Variants in PSMD13 observed in about 807,000 individuals in gnomAD.
PSMD13 encodes 26S proteasome non-ATPase regulatory subunit 13.
In PSMD13, 8 loss-of-function variants were observed where a neutral mutation model predicts 57.4. The ratio of observed to expected loss-of-function variants is 0.14; its 90% CI spans 0.08 to 0.25. The LOEUF (loss-of-function observed/expected upper bound fraction) is 0.25. PSMD13 is among the 10% of genes least tolerant of loss of function. The pLI is 1.00. For synonymous variants in PSMD13, 193 were observed against 168.2 expected (o/e 1.15, Z -1.14); for missense variants, 400 against 461.5 (o/e 0.87, Z 1.22).
rs1859780162 is a variant in PSMD13 at position 252,327 on chromosome 11, G to C, written c.1036-178G>C. On this transcript the variant is annotated intron_variant, in intron 12 of 12. Coordinates refer to ENST00000532097, the MANE Select transcript of PSMD13 (RefSeq NM_002817.4). The surrounding 1 kb of genome is among the most constrained non-coding windows in gnomAD (Gnocchi z 4.1). ...TGCAAGTTTTTTCTAACGTTCCTGT[G>C]AAAAGAATTAACCCGGCAAGTCCCG... The C allele has an allele frequency of 1.7e-6, 1 of 598,708 alleles. No individual in the cohort carries two copies. The highest frequency in any genetic ancestry group is 1.9e-5 in the African/African-American group (1 of 54,044). The allele number at this position is 598,708 out of a possible 1,614,324, so 37.1% of individuals were successfully genotyped here. A position where few individuals can be genotyped will look rare whatever the true frequency, so the allele number is the denominator to read the frequency against.
chr11:247,671 A>G, intron 7 of PSMD13: 1 of 373,652 alleles, frequency 2.7e-6, no homozygotes, highest in South Asian at 3.6e-5. Context: ...GTCTCTACTA[A>G]AAATACAAAA....
intron 1 of PSMD13, 113 bp downstream of exon 1, chr11:237,257 G>T: frequency 2.1e-6 from 2 of 965,338 alleles, no homozygotes; most frequent in Non-Finnish European, 1.5e-6. Flanking sequence ...CCAAGTTGGG[G>T]GGAAACGGGG....
rs1374868213 is a variant in PSMD13, at chr11:240,149, G to C, written c.174+1073G>C. On this transcript the variant is annotated intron_variant, in intron 2 of 12. Coordinates refer to ENST00000532097, the MANE Select transcript of PSMD13 (RefSeq NM_002817.4). ...TTTTTGACGGAGTTTCGCTCTTGTT[G>C]CCCGGGCTGGAGTGCAATGGTGCGA... Among the ~76,000 whole-genome samples the C allele has an allele frequency of 3.0e-5, 3 of 101,482 alleles. No homozygotes were observed. In the South Asian group the frequency reaches 9.9e-4, roughly 34 times the overall value. The allele number at this position is 101,482 out of a possible 152,430, so 66.6% of individuals were successfully genotyped here. A position where few individuals can be genotyped will look rare whatever the true frequency, so the allele number is the denominator to read the frequency against.
rs547468223 is a variant in PSMD13, at chr11:241,040, C to A, written c.174+1964C>A. On this transcript the variant is annotated intron_variant, in intron 2 of 12. Coordinates refer to ENST00000532097, the MANE Select transcript of PSMD13 (RefSeq NM_002817.4). ...AGAGACAGGGTTTCATCATGTTGAC[C>A]AGGCTGGTCTCAAACTCCTAACCTC... Among the ~76,000 whole-genome samples the A allele has an allele frequency of 3.7e-4, 56 of 152,238 alleles. No homozygotes were observed. In the South Asian group the frequency reaches 6.0e-3, roughly 16 times the overall value.
At chr11:240,060 C>CG (rs2133983081) in intron 2 of PSMD13, among the ~76,000 whole-genome samples, 1 of 137,124 alleles carries the variant, frequency 7.3e-6, no homozygotes, top group South Asian at 2.5e-4. Flanking sequence ...GCTGAACATT[C>CG]AGTCTTCTGG....
chr11:238,981 G>A lies in PSMD13; in HGVS notation c.96-17G>A. ...TGGATATTAGGTTAGAGGTCTTAAGGGCTGTATGTTTTTCAGGTTGTGGCA... is the reference window on the plus strand; with the variant it reads ...TGGATATTAGGTTAGAGGTCTTAAGAGCTGTATGTTTTTCAGGTTGTGGCA... On this transcript the variant is annotated splice_polypyrimidine_tract_variant and intron_variant, in intron 1 of 12. Coordinates refer to ENST00000532097, the MANE Select transcript of PSMD13 (RefSeq NM_002817.4). 1 of 1,612,294 alleles carries A rather than the reference G, an allele frequency of 6.2e-7. No individual in the cohort carries two copies. The highest frequency in any genetic ancestry group is 8.5e-7 in the Non-Finnish European group (1 of 1,178,404).
At chr11:242,944 C>T (rs1045231820) in intron 2 of PSMD13, among the ~76,000 whole-genome samples, 3 of 152,008 alleles carry the variant, frequency 2.0e-5, no homozygotes, top group Admixed American at 6.6e-5. Context: ...TACAGGCGCG[C>T]GCCACCATGC....
Position 244,485 on chromosome 11 carries a change from G to A in PSMD13, c.309+16G>A, listed in dbSNP as rs757491630. 1 of 1,510,136 alleles carries A rather than the reference G, an allele frequency of 6.6e-7. No individual in the cohort carries two copies. Among genetic ancestry groups the A allele is most frequent in the Non-Finnish European group, 8.8e-7 (1 of 1,134,470 alleles). 93.5% of individuals were successfully genotyped at this position (1,510,136 alleles called of 1,614,324 possible). Reference sequence around the variant, plus strand: ...TCGTGAGAAGGTAAATGTGGCATGTGGGCAATACCTTTTAGTACCTTTTAG... The same window carrying A: ...TCGTGAGAAGGTAAATGTGGCATGTAGGCAATACCTTTTAGTACCTTTTAG... On this transcript the variant is annotated intron_variant, in intron 5 of 12. Coordinates refer to ENST00000532097, the MANE Select transcript of PSMD13 (RefSeq NM_002817.4).
intron 6 of PSMD13, among the ~76,000 whole-genome samples, chr11:246,700 T>C (rs775309911): frequency 3.9e-5 from 6 of 152,204 alleles, no homozygotes; most frequent in African/African-American, 1.4e-4. Context: ...GGAAGCTCCA[T>C]GTCTTCAACA....
chr11:250,938 A>C (rs536030301), intron 10 of PSMD13, 73 bp downstream of exon 10: 76 of 1,346,340 alleles, frequency 5.6e-5, no homozygotes, highest in Admixed American at 1.3e-4. Flanking sequence ...GCACTCTCCA[A>C]GCCTGTGCTG....
intron 9 of PSMD13, among the ~76,000 whole-genome samples, chr11:250,182 A>G (rs963758719): frequency 2.6e-5 from 4 of 152,242 alleles, no homozygotes; most frequent in African/African-American, 9.6e-5. Flanking sequence ...GTGTCAGGAT[A>G]TGAGTTGCTA....
intron 6 of PSMD13, among the ~76,000 whole-genome samples, chr11:246,876 G>A (rs139112318): frequency 6.6e-6 from 1 of 152,102 alleles, no homozygotes; most frequent in Non-Finnish European, 1.5e-5. Context: ...TTTTTCTACT[G>A]TGTTGCTTGT....
chr11:239,774 G>A (rs889587193), intron 2 of PSMD13, among the ~76,000 whole-genome samples: 3 of 152,024 alleles, frequency 2.0e-5, no homozygotes, highest in African/African-American at 7.3e-5. Flanking sequence ...CTCACTGGTA[G>A]CCTCCTCTTT....
Position 251,760 on chromosome 11 carries a change from C to A in PSMD13, c.919-60C>A. On this transcript the variant is annotated intron_variant, in intron 11 of 12. Transcript: ENST00000532097. The surrounding 1 kb of genome is among the most constrained non-coding windows in gnomAD (Gnocchi z 4.6). The stretch of plus-strand genomic sequence containing the variant: ...GCGGCATCTGCTTCTCACAAGCCAT[C>A]TGGGTCCATGGGGGTGTGTCAGGCT... 1 of 1,564,048 alleles carries A rather than the reference C, an allele frequency of 6.4e-7. No homozygotes were observed. Among genetic ancestry groups the A allele is most frequent in the South Asian group, 1.1e-5 (1 of 89,360 alleles).
intron 6 of PSMD13, among the ~76,000 whole-genome samples, chr11:246,560 A>G (rs1223279449): frequency 1.3e-5 from 2 of 152,162 alleles, no homozygotes; most frequent in African/African-American, 4.8e-5. Context: ...TGCCATAAGT[A>G]TTTCTGTGCC....
At position 247,545 on chromosome 11, in the gene PSMD13, G is replaced by A. The variant is rs988396429; in HGVS notation, c.568+97G>A. ...GGTGACAGTTCTCAGAAATTACTAAGGTGGGGCTGGGCACGGTGGCTCACG... is the reference window on the plus strand; with the variant it reads ...GGTGACAGTTCTCAGAAATTACTAAAGTGGGGCTGGGCACGGTGGCTCACG... On this transcript the variant is annotated intron_variant, in intron 7 of 12. Transcript: ENST00000532097. 5 of 1,385,582 alleles carry A rather than the reference G, an allele frequency of 3.6e-6. No homozygotes were observed. The African/African-American group carries it at 4.3e-5, about 12-fold the overall frequency. The allele number at this position is 1,385,582 out of a possible 1,614,324, so 85.8% of individuals were successfully genotyped here. A position where few individuals can be genotyped will look rare whatever the true frequency, so the allele number is the denominator to read the frequency against.
At chr11:241,886 A>G (rs1472030151) in intron 2 of PSMD13, among the ~76,000 whole-genome samples, 2 of 152,124 alleles carry the variant, frequency 1.3e-5, no homozygotes. Context: ...TGCACTCTGG[A>G]CAGAGACCAA....
In PSMD13 at chr11:237,035, G is replaced by GT. The variant is rs1554894450; in HGVS notation, c.-15_-14insT. ...ATCCCGGTTGTTCTTCTGTGCCGGG[G>GT]GTCTTCCTGCTGTCATGAAGGACGT... On this transcript the variant is annotated 5_prime_UTR_variant, in exon 1 of 13. Coordinates refer to ENST00000532097, the MANE Select transcript of PSMD13 (RefSeq NM_002817.4). The GT allele has an allele frequency of 6.2e-7, 1 of 1,601,820 alleles. No individual in the cohort carries two copies. Among genetic ancestry groups the GT allele is most frequent in the African/African-American group, 1.3e-5 (1 of 74,636 alleles).
Position 252,291 on chromosome 11 carries a change from G to C in PSMD13, c.1036-214G>C. On this transcript the variant is annotated intron_variant, in intron 12 of 12. Transcript: ENST00000532097. The surrounding 1 kb of genome is among the most constrained non-coding windows in gnomAD (Gnocchi z 4.1). ...CTGTGGATTTCCTCTGTCCTTGTCT[G>C]CTTTCTTTCATGCAAGTTTTTTCTA... is the stretch of plus-strand genomic sequence containing the variant. 1 of 554,068 alleles carries C rather than the reference G, an allele frequency of 1.8e-6. No individual in the cohort carries two copies. Among genetic ancestry groups the C allele is most frequent in the South Asian group, 2.2e-5 (1 of 45,698 alleles). 34.3% of individuals were successfully genotyped at this position (554,068 alleles called of 1,614,324 possible).
Sources: allele counts gnomAD v4.1 joint callset (sites outside exome capture counted in the v4.1 genomes callset), GRCh38; gene constraint gnomAD v4.1.1; non-coding constraint Gnocchi (gnomAD v3.1); transcripts MANE v1.5; gene names NCBI Gene and HGNC (gene_info 2026-07-23, HGNC 2026-07-21).